TNNI3K: variants seen among roughly 807,000 people sequenced by gnomAD.
The protein encoded by TNNI3K is TNNI3 interacting kinase, also known as serine/threonine-protein kinase TNNI3K.
In TNNI3K, 140 loss-of-function variants were observed where a neutral mutation model predicts 114.5. The observed-to-expected ratio is 1.22, with a 90% CI of 1.07 to 1.41. The LOEUF is 1.41. Among genes scored for constraint, TNNI3K ranks in the 40% most tolerant of loss-of-function variants. The pLI is 0.00. For synonymous variants in TNNI3K, 347 were observed against 347.5 expected, an observed-to-expected ratio of 1.00 and a Z score of 0.02; for missense variants, 1,125 against 1,007.6, an observed-to-expected ratio of 1.12 and a Z score of -1.58.
intron 9 of TNNI3K, among the ~76,000 whole-genome samples, chr1:74,349,225 A>G (rs935848874): frequency 6.6e-6 from 1 of 152,102 alleles, no homozygotes; most frequent in Non-Finnish European, 1.5e-5. Flanking sequence ...ACTTTTCTGC[A>G]TCTATTGAGA....
chr1:74,439,353 G>T (rs930182584), intron 19 of TNNI3K, 137 bp from the exon 20 acceptor site: 4 of 1,374,106 alleles, frequency 2.9e-6, no homozygotes. Context: ...AGGGCAATAT[G>T]TATGGATGTT....
chr1:74,411,300 G>A (rs768919556), intron 17 of TNNI3K, among the ~76,000 whole-genome samples: 1 of 152,074 alleles, frequency 6.6e-6, no homozygotes, highest in Non-Finnish European at 1.5e-5. Flanking sequence ...TAAACCATTT[G>A]GGATGCAGCT....
chr1:74,470,409 A>G (rs1245943576), intron 21 of TNNI3K: 1 of 400,582 alleles, frequency 2.5e-6, no homozygotes, highest in Non-Finnish European at 4.4e-6. Flanking sequence ...CTAGTGCTTC[A>G]GTGCCGTCAT....
chr1:74,380,633 G>A (rs376036412), intron 17 of TNNI3K, among the ~76,000 whole-genome samples: 3 of 152,204 alleles, frequency 2.0e-5, no homozygotes, highest in Admixed American at 6.6e-5. Context: ...TCTATTCTTT[G>A]GGGATATGGC....
intron 21 of TNNI3K, among the ~76,000 whole-genome samples, chr1:74,475,130 ACAC>A (rs1210058069): frequency 3.3e-5 from 5 of 151,042 alleles, no homozygotes; most frequent in African/African-American, 1.2e-4. Flanking sequence ...ACACACACAC[ACAC>A]ACACACACAC....
At chr1:74,355,614 A>C (rs1173031974) in intron 11 of TNNI3K, among the ~76,000 whole-genome samples, 1 of 152,054 alleles carries the variant, frequency 6.6e-6, no homozygotes, top group East Asian at 1.9e-4. Context: ...AAAATAAATA[A>C]ATAAATAAAT....
chr1:74,424,748 G>A (rs1288694584), intron 17 of TNNI3K, among the ~76,000 whole-genome samples: 1 of 149,344 alleles, frequency 6.7e-6, no homozygotes, highest in African/African-American at 2.4e-5. Context: ...GAGAGACATA[G>A]TATGTTTCTC....
At chr1:74,518,874 CT>C (rs1327871291) in intron 23 of TNNI3K, among the ~76,000 whole-genome samples, 3,395 of 29,012 alleles carry the variant, frequency 0.12, 85 homozygotes, top group South Asian at 0.19. Flanking sequence ...TTTTTTTCCC[CT>C]TTTTTTTTTT....
intron 5 of TNNI3K, among the ~76,000 whole-genome samples, chr1:74,322,097 A>G (rs930290010): frequency 6.6e-6 from 1 of 152,214 alleles, no homozygotes. Flanking sequence ...TAAGCCTTCA[A>G]TACAAATGGG....
chr1:74,536,778 C>T (rs1382943729), intron 23 of TNNI3K, among the ~76,000 whole-genome samples: 2 of 152,116 alleles, frequency 1.3e-5, no homozygotes, highest in African/African-American at 2.4e-5. Flanking sequence ...TGTTGAAATA[C>T]TTGCAAAATT....
intron 17 of TNNI3K, among the ~76,000 whole-genome samples, chr1:74,412,833 C>T (rs1212134458): frequency 1.3e-5 from 2 of 152,148 alleles, no homozygotes; most frequent in African/African-American, 2.4e-5. Context: ...AGGCTGGCGT[C>T]GAACTCCTGA....
In TNNI3K at chr1:74,393,246, G is replaced by T. The variant is rs1476480939; in HGVS notation, c.1772+22854G>T. ...GGACAGGAATATTGAGTTAGTTAGGGATATAGATAGGATGGAAAAGCATTC... is the reference window on the plus strand; with the variant it reads ...GGACAGGAATATTGAGTTAGTTAGGTATATAGATAGGATGGAAAAGCATTC... On this transcript the variant is annotated intron_variant, in intron 17 of 24. Transcript: ENST00000326637. Among the ~76,000 whole-genome samples, 5 of 150,770 alleles carry T rather than the reference G, an allele frequency of 3.3e-5. No homozygotes were observed. In the South Asian group the frequency reaches 1.1e-3, roughly 32 times the overall value.
At chr1:74,252,714 T>C (rs1450276829) in intron 4 of TNNI3K, among the ~76,000 whole-genome samples, 4 of 152,014 alleles carry the variant, frequency 2.6e-5, no homozygotes, top group African/African-American at 9.7e-5. Context: ...GCGGCACGTC[T>C]GGAGTTGTTC....
At chr1:74,467,518 A>C (rs995805587) in intron 21 of TNNI3K, among the ~76,000 whole-genome samples, 8 of 151,832 alleles carry the variant, frequency 5.3e-5, no homozygotes, top group Admixed American at 3.9e-4. Flanking sequence ...CTGATACTAG[A>C]TAGTGACAGA....
intron 23 of TNNI3K, among the ~76,000 whole-genome samples, chr1:74,499,139 T>G (rs1049378719): frequency 4.6e-5 from 7 of 152,160 alleles, no homozygotes; most frequent in African/African-American, 1.4e-4. Context: ...ACAACCAGCA[T>G]GCATTTCCCT....
chr1:74,508,501 T>C (rs1276921572), intron 23 of TNNI3K, among the ~76,000 whole-genome samples: 1 of 152,174 alleles, frequency 6.6e-6, no homozygotes, highest in East Asian at 1.9e-4. Flanking sequence ...AGAGTAGTTC[T>C]AGAACTGGTG....
chr1:74,490,424 A>T (rs1669008639), intron 22 of TNNI3K, among the ~76,000 whole-genome samples: 1 of 152,192 alleles, frequency 6.6e-6, no homozygotes, highest in South Asian at 2.1e-4. Context: ...TTCGAGCCTA[A>T]TGGGATAGAT....
chr1:74,470,580 G>T, intron 21 of TNNI3K: 1 of 400,560 alleles, frequency 2.5e-6, no homozygotes, highest in East Asian at 3.6e-5. Flanking sequence ...GGTTGTTCTT[G>T]GATTGTGTTT....
intron 5 of TNNI3K, among the ~76,000 whole-genome samples, chr1:74,302,335 T>C (rs1192205152): frequency 6.6e-6 from 1 of 152,158 alleles, no homozygotes; most frequent in African/African-American, 2.4e-5. Context: ...CACAATAATA[T>C]TGCAATCATG....
Sources: gnomAD v4.1 joint callset for allele counts (sites outside exome capture counted in the v4.1 genomes callset) on GRCh38, gnomAD v4.1.1 for gene constraint, MANE v1.5 for transcripts, NCBI Gene and HGNC (gene_info 2026-07-23, HGNC 2026-07-21) for gene names.